Variants in DMD observed in about 807,000 individuals in gnomAD.
The protein encoded by DMD is mutant dystrophin.
Under a neutral mutation model 330.1 loss-of-function variants are expected in DMD, and 63 were observed. The ratio of observed to expected loss-of-function variants is 0.19; its 90% CI spans 0.16 to 0.24. The LOEUF (loss-of-function observed/expected upper bound fraction) is 0.24, where lower values mean the gene tolerates loss of function less well. DMD is among the 10% of genes least tolerant of loss of function. The pLI, the probability that DMD is intolerant of heterozygous loss-of-function variation, is 1.00. For synonymous variants in DMD, 1,223 were observed against 959.8 expected, an observed-to-expected ratio of 1.27 and a Z score of -5.07; for missense variants, 3,344 against 2,684.1, an observed-to-expected ratio of 1.25 and a Z score of -5.43.
chrX:31,972,585 C>T (rs750082018), intron 44 of DMD, among the ~76,000 whole-genome samples: 11 of 108,426 alleles, frequency 1.0e-4, no homozygotes, highest in Non-Finnish European at 2.1e-4. Context: ...AACTAGGGAG[C>T]AAGATAAAAA....
intron 7 of DMD, among the ~76,000 whole-genome samples, chrX:32,782,887 A>G: frequency 9.4e-6 from 1 of 106,897 alleles, no homozygotes; most frequent in Non-Finnish European, 1.9e-5. Flanking sequence ...ACGTATATAT[A>G]TACATATACA....
At chrX:31,449,793 TATATAG>T (rs1403037113) in intron 59 of DMD, among the ~76,000 whole-genome samples, 162 of 91,030 alleles carry the variant, frequency 1.8e-3, no homozygotes, top group Middle Eastern at 0.016. Context: ...TATATATATA[TATATAG>T]ATAGATAGAT....
intron 49 of DMD, among the ~76,000 whole-genome samples, chrX:31,829,066 T>C (rs985093495): frequency 7.2e-5 from 8 of 111,844 alleles, no homozygotes; most frequent in Non-Finnish European, 1.5e-4. Flanking sequence ...AAAGAATCTC[T>C]TTTGCAGCAA....
In DMD at chrX:31,465,892, G is replaced by A. The variant is rs6628609; in HGVS notation, c.8937+12214C>T. On this transcript the variant is annotated intron_variant, in intron 59 of 78. Coordinates refer to ENST00000357033, the MANE Select transcript of DMD (RefSeq NM_004006.3). ...GATGTTTCCTGACTTTTTAATGATC[G>A]CCATTGTAACTGGTGTGTTTTGATT... 5.4e-5 allele frequency among the ~76,000 whole-genome samples: 6 copies of A among 111,830 alleles called. No homozygotes were observed. The East Asian group carries it at 8.4e-4, about 16-fold the overall frequency.
At chrX:31,320,743 T>C (rs187478549) in intron 62 of DMD, among the ~76,000 whole-genome samples, 2 of 112,311 alleles carry the variant, frequency 1.8e-5, no homozygotes, top group Admixed American at 1.9e-4. Flanking sequence ...TTTCCCTATA[T>C]TACAGTTTAA....
At chrX:32,165,695 C>A (rs1255871662) in intron 44 of DMD, among the ~76,000 whole-genome samples, 5 of 111,304 alleles carry the variant, frequency 4.5e-5, no homozygotes, top group Non-Finnish European at 9.4e-5. Flanking sequence ...TTGGGAGGGG[C>A]CAGGAGCAAA....
At position 33,334,625 on chromosome X, in the gene DMD, A is replaced by T. The variant is rs767093539; in HGVS notation, c.7+4634T>A. On this transcript the variant is annotated intron_variant, in intron 1 of 17. Transcript: ENST00000288447. Reference sequence around the variant, plus strand: ...AATTTTATATAATCTCATGTGTCAGAAATATTCTTGAAATGAAACAATTCA... The same window carrying T: ...AATTTTATATAATCTCATGTGTCAGTAATATTCTTGAAATGAAACAATTCA... Among the ~76,000 whole-genome samples, 4 of 111,353 alleles carry T rather than the reference A, an allele frequency of 3.6e-5. No homozygotes were observed. The South Asian group carries it at 1.5e-3, about 42-fold the overall frequency.
chrX:32,585,740 T>G (rs1196101077), intron 13 of DMD, among the ~76,000 whole-genome samples: 1 of 93,384 alleles, frequency 1.1e-5, no homozygotes, highest in Non-Finnish European at 2.3e-5. Flanking sequence ...AGAATATTAT[T>G]GTTCCAGCAT....
At chrX:31,394,125 T>C (rs916337282) in intron 60 of DMD, among the ~76,000 whole-genome samples, 2 of 112,800 alleles carry the variant, frequency 1.8e-5, no homozygotes, top group Non-Finnish European at 1.9e-5. Context: ...TTTCTTTTTA[T>C]GACACATGAT....
chrX:31,775,335 T>C (rs2090591878), intron 50 of DMD, among the ~76,000 whole-genome samples: 1 of 111,288 alleles, frequency 9.0e-6, no homozygotes, highest in Non-Finnish European at 1.9e-5. Flanking sequence ...AACACAGTGA[T>C]GAACAACTGT....
At chrX:32,591,263 C>A (rs2054877036) in intron 13 of DMD, among the ~76,000 whole-genome samples, 1 of 111,907 alleles carries the variant, frequency 8.9e-6, no homozygotes, top group Admixed American at 9.5e-5. Context: ...GGCAGAAATT[C>A]TCCTGGTTCT....
intron 60 of DMD, among the ~76,000 whole-genome samples, chrX:31,433,774 T>G (rs1364149150): frequency 9.0e-6 from 1 of 111,429 alleles, no homozygotes; most frequent in Non-Finnish European, 1.9e-5. Context: ...TTTCTTGGAG[T>G]TTTGGCAAAA....
chrX:31,451,275 CTTT>C (rs1188925350), intron 59 of DMD, among the ~76,000 whole-genome samples: 1,739 of 63,229 alleles, frequency 0.028, 53 homozygotes, highest in African/African-American at 0.096. Flanking sequence ...TCCTTCCTTT[CTTT>C]CCTTTTTTTT....
intron 18 of DMD, among the ~76,000 whole-genome samples, chrX:32,502,289 A>G (rs1442327579): frequency 4.5e-5 from 5 of 111,560 alleles, no homozygotes; most frequent in Non-Finnish European, 7.5e-5. Flanking sequence ...ATAAACTACC[A>G]TAAATAATTT....
intron 1 of DMD, among the ~76,000 whole-genome samples, chrX:33,079,263 C>T (rs778454883): frequency 9.0e-6 from 1 of 111,479 alleles, no homozygotes; most frequent in South Asian, 3.8e-4. Flanking sequence ...CTGCCCACCT[C>T]GGCCTCCTAA....
At chrX:31,948,661 C>T (rs1255415704) in intron 45 of DMD, among the ~76,000 whole-genome samples, 1 of 111,094 alleles carries the variant, frequency 9.0e-6, no homozygotes, top group Non-Finnish European at 1.9e-5. Context: ...TTTTCACATA[C>T]CTGTTGGCCA....
At chrX:31,577,015 G>A (rs942276819) in intron 55 of DMD, among the ~76,000 whole-genome samples, 8 of 111,874 alleles carry the variant, frequency 7.2e-5, no homozygotes, top group African/African-American at 1.9e-4. Context: ...GCGCCCGGCC[G>A]ATGAGTTATT....
intron 52 of DMD, among the ~76,000 whole-genome samples, chrX:31,724,127 A>G (rs2085814718): frequency 8.9e-6 from 1 of 112,321 alleles, no homozygotes; most frequent in Non-Finnish European, 1.9e-5. Context: ...TTGTAGCTAT[A>G]ACAGGTTGAC....
chrX:32,787,337 T>G (rs1210178877), intron 7 of DMD, among the ~76,000 whole-genome samples: 1 of 108,904 alleles, frequency 9.2e-6, no homozygotes, highest in Non-Finnish European at 1.9e-5. Context: ...AAAACTAGAT[T>G]AGACTCTGGA....
Sources: allele counts gnomAD v4.1 joint callset (sites outside exome capture counted in the v4.1 genomes callset), GRCh38; gene constraint gnomAD v4.1.1; transcripts MANE v1.5; gene names NCBI Gene and HGNC (gene_info 2026-07-23, HGNC 2026-07-21).